Variants in DACH2 observed in about 807,000 individuals in gnomAD.
The protein encoded by DACH2 is dachshund family transcription factor 2, also known as dachshund homolog 2.
A neutral mutation model predicts 35.8 loss-of-function variants in DACH2; 17 were observed. The observed-to-expected ratio is 0.48, with a 90% CI of 0.33 to 0.71. The LOEUF (loss-of-function observed/expected upper bound fraction) is 0.71. DACH2 is among the 30% of genes least tolerant of loss of function. The pLI is 0.02. For synonymous variants in DACH2, 195 were observed against 177.3 expected, an observed-to-expected ratio of 1.10 and a Z score of -0.79; for missense variants, 469 against 472.7, an observed-to-expected ratio of 0.99 and a Z score of 0.07.
chrX:86,254,781 A>AAT (rs1200745075), intron 1 of DACH2, among the ~76,000 whole-genome samples: 4,642 of 22,521 alleles, frequency 0.21, 672 homozygotes, highest in Non-Finnish European at 0.26. Flanking sequence ...CAAATAAATA[A>AAT]ATATATATAT....
At chrX:86,433,784 C>T (rs2037023034) in intron 2 of DACH2, among the ~76,000 whole-genome samples, 1 of 111,527 alleles carries the variant, frequency 9.0e-6, no homozygotes, top group Non-Finnish European at 1.9e-5. Flanking sequence ...TACTTAATTT[C>T]TTCATGTTGG....
chrX:86,451,802 AT>A (rs1177584485), intron 2 of DACH2, among the ~76,000 whole-genome samples: 4 of 110,631 alleles, frequency 3.6e-5, no homozygotes, highest in Admixed American at 2.9e-4. Context: ...TACAAAGATA[AT>A]TTAGTTCCCC....
chrX:86,530,213 T>G (rs1420976706), intron 3 of DACH2, among the ~76,000 whole-genome samples: 1 of 111,799 alleles, frequency 8.9e-6, no homozygotes, highest in Non-Finnish European at 1.9e-5. Context: ...ATCTCAAAGA[T>G]CATAGAAGGA....
At chrX:86,682,665 A>T (rs1208837274) in intron 4 of DACH2, among the ~76,000 whole-genome samples, 1 of 111,758 alleles carries the variant, frequency 8.9e-6, no homozygotes, top group Non-Finnish European at 1.9e-5. Flanking sequence ...CTTTGATATC[A>T]TCAGCAGTAA....
In DACH2 at chrX:86,645,770, G is replaced by C. The variant is rs1026373065; in HGVS notation, c.641-5266G>C. On this transcript the variant is annotated intron_variant, in intron 3 of 11. Coordinates refer to ENST00000373125, the MANE Select transcript of DACH2 (RefSeq NM_053281.3). ...TTTGGGGAAAATGGATGAAACTGGA[G>C]GCTATCATCCTTAACAAACTAAGGC... Among the ~76,000 whole-genome samples the C allele has an allele frequency of 2.7e-5, 3 of 111,005 alleles. No homozygotes were observed. The South Asian group carries it at 1.1e-3, about 41-fold the overall frequency.
chrX:86,169,924 G>T (rs60080779), intron 1 of DACH2, among the ~76,000 whole-genome samples: 1 of 110,267 alleles, frequency 9.1e-6, no homozygotes, highest in African/African-American at 3.3e-5. Flanking sequence ...TGATGTGTGG[G>T]TGTTGAAGAG....
At chrX:86,769,567 G>A (rs958798556) in intron 7 of DACH2, among the ~76,000 whole-genome samples, 2 of 111,507 alleles carry the variant, frequency 1.8e-5, no homozygotes, top group African/African-American at 6.5e-5. Context: ...AAAAGTGCTG[G>A]GGTATGTATA....
chrX:86,547,562 CACACA>C (rs2038993475), intron 3 of DACH2, among the ~76,000 whole-genome samples: 2 of 105,534 alleles, frequency 1.9e-5, no homozygotes, highest in African/African-American at 7.1e-5. Flanking sequence ...CACACACACA[CACACA>C]CCACAGCTGC....
intron 2 of DACH2, among the ~76,000 whole-genome samples, chrX:86,379,113 C>T (rs1331720058): frequency 9.0e-6 from 1 of 110,949 alleles, no homozygotes; most frequent in Non-Finnish European, 1.9e-5. Context: ...AAGAAGAAAG[C>T]CATGTGTATA....
intron 3 of DACH2, among the ~76,000 whole-genome samples, chrX:86,627,812 T>G (rs1217401315): frequency 8.9e-6 from 1 of 112,480 alleles, no homozygotes; most frequent in Non-Finnish European, 1.9e-5. Context: ...AGATGCTTGA[T>G]GTATTTGGCT....
chrX:86,433,609 T>A (rs752074138), intron 2 of DACH2, among the ~76,000 whole-genome samples: 2 of 112,038 alleles, frequency 1.8e-5, no homozygotes, highest in Admixed American at 1.9e-4. Context: ...CTTTGTTTTT[T>A]AAATTATTGG....
chrX:86,445,819 G>T, intron 2 of DACH2, among the ~76,000 whole-genome samples: 1 of 110,898 alleles, frequency 9.0e-6, no homozygotes, highest in South Asian at 3.8e-4. Flanking sequence ...CAGTTGAGAA[G>T]GTTGTATATT....
chrX:86,160,044 A>AAAAAAAAAC (rs2030692911), intron 1 of DACH2, among the ~76,000 whole-genome samples: 1 of 106,996 alleles, frequency 9.3e-6, no homozygotes, highest in Admixed American at 9.8e-5. Context: ...CCACATGTAA[A>AAAAAAAAAC]AAAAAAAACA....
intron 3 of DACH2, among the ~76,000 whole-genome samples, chrX:86,591,221 A>C (rs1162795123): frequency 8.9e-6 from 1 of 111,795 alleles, no homozygotes; most frequent in African/African-American, 3.3e-5. Flanking sequence ...CCAGTCTATC[A>C]TTGTTGGATA....
intron 1 of DACH2, among the ~76,000 whole-genome samples, chrX:86,332,353 C>T (rs770381248): frequency 2.7e-5 from 3 of 111,183 alleles, no homozygotes; most frequent in South Asian, 3.8e-4. Context: ...TTGTGGCCTC[C>T]GACTACCAGG....
chrX:86,151,839 A>G (rs2030377561), intron 1 of DACH2, among the ~76,000 whole-genome samples: 1 of 111,334 alleles, frequency 9.0e-6, no homozygotes, highest in African/African-American at 3.3e-5. Context: ...AAGAGGTCCA[A>G]GAGAGACAAA....
intron 3 of DACH2, among the ~76,000 whole-genome samples, chrX:86,545,613 G>A (rs2038946303): frequency 9.0e-6 from 1 of 111,515 alleles, no homozygotes; most frequent in African/African-American, 3.3e-5. Flanking sequence ...ACATAACTAA[G>A]GACAAGGATT....
intron 3 of DACH2, among the ~76,000 whole-genome samples, chrX:86,540,393 C>T (rs1336698833): frequency 8.9e-6 from 1 of 112,096 alleles, no homozygotes; most frequent in Non-Finnish European, 1.9e-5. Flanking sequence ...GGCACTACAA[C>T]CATCATGCCA....
In DACH2 at chrX:86,367,397, C is replaced by A. The variant is rs559503968; in HGVS notation, c.489-9427C>A. The stretch of plus-strand genomic sequence containing the variant: ...GAAGAGAATGCCCCTTAGCTGAATA[C>A]CTCTAACAGGCAGGCAATAACTTTA... On this transcript the variant is annotated intron_variant, in intron 1 of 11. Coordinates refer to ENST00000373125, the MANE Select transcript of DACH2 (RefSeq NM_053281.3). Among the ~76,000 whole-genome samples the A allele has an allele frequency of 5.4e-5, 6 of 111,521 alleles. No individual in the cohort carries two copies. The South Asian group carries it at 2.2e-3, about 42-fold the overall frequency.
Sources: gnomAD v4.1 joint callset for allele counts (sites outside exome capture counted in the v4.1 genomes callset) on GRCh38, gnomAD v4.1.1 for gene constraint, MANE v1.5 for transcripts, NCBI Gene and HGNC (gene_info 2026-07-23, HGNC 2026-07-21) for gene names.